RUNDC3A: variants seen among roughly 807,000 people sequenced by gnomAD.
RUNDC3A encodes RUN domain containing 3A.
Under a neutral mutation model 53.9 loss-of-function variants are expected in RUNDC3A, and 28 were observed. That is an observed-to-expected ratio of 0.52 (90% CI 0.38 to 0.71). RUNDC3A has a LOEUF of 0.71. RUNDC3A is among the 30% of genes least tolerant of loss of function. The probability of loss-of-function intolerance (pLI) is 0.00; values close to 1 mark genes in which losing one functional copy is unlikely to be tolerated. For missense variants in RUNDC3A, 491 were observed against 597.3 expected, an observed-to-expected ratio of 0.82 and a Z score of 1.85; for synonymous variants, 232 against 249.4, an observed-to-expected ratio of 0.93 and a Z score of 0.66.
Position 44,312,629 on chromosome 17 carries a change from G to T in RUNDC3A, c.157G>T (p.Asp53Tyr). 6.3e-7 allele frequency: 1 copy of T among 1,586,822 alleles called. No homozygotes were observed. The highest frequency in any genetic ancestry group is 8.6e-7 in the Non-Finnish European group (1 of 1,166,986). ...LEKYTAEPID[D>Y]SSEEFVNFAA... is the part of the protein sequence containing the mutation. The stretch of plus-strand genomic sequence containing the variant: ...GAAGTACACAGCGGAGCCCATCGAT[G>T]ACTCATCGGAGGAGTTTGTCAATTT... Residue 53 changes from aspartate to tyrosine, a missense_variant, in exon 2 of 11, where the codon GAC becomes TAC. By Grantham distance (160) the Asp-to-Tyr change is radical (BLOSUM62 -3). Around this residue, in one of 2 missense-constraint regions of RUNDC3A, gnomAD observed 273 missense variants for 389.0 expected, o/e 0.70. Coordinates refer to ENST00000426726, the MANE Select transcript of RUNDC3A (RefSeq NM_001144825.2).
In RUNDC3A at chr17:44,313,406, C is replaced by T; in HGVS notation, c.373-12C>T. ...CTCTGGGGCAGCAAGTAAAGGTGAA[C>T]ATGATTTCCAGGGCCGGGCATGGAT... On this transcript the variant is annotated splice_polypyrimidine_tract_variant and intron_variant, in intron 3 of 10. Coordinates refer to ENST00000426726, the MANE Select transcript of RUNDC3A (RefSeq NM_001144825.2). The T allele has an allele frequency of 6.2e-7, 1 of 1,613,908 alleles. No individual in the cohort carries two copies. The highest frequency in any genetic ancestry group is 8.5e-7 in the Non-Finnish European group (1 of 1,179,828).
At position 44,315,254 on chromosome 17, in the gene RUNDC3A, T is replaced by C. The variant is rs708386; in HGVS notation, c.729T>C (p.Asp243=). The change falls in exon 7 of 11, where the codon GAT becomes GAC. Residue 243 remains aspartate, a synonymous_variant. Coordinates refer to ENST00000426726, the MANE Select transcript of RUNDC3A (RefSeq NM_001144825.2). The surrounding 1 kb of genome is among the most constrained non-coding windows in gnomAD (Gnocchi z 6.1). The part of the protein sequence containing the change: ...PEHPYLPLVT[D]EDSWYSKWHK... ...ACCCGTACCTCCCGCTCGTCACCGATGAGGACAGCTGGTACAGCAAGTGGC... is the reference window on the plus strand; with the variant it reads ...ACCCGTACCTCCCGCTCGTCACCGACGAGGACAGCTGGTACAGCAAGTGGC... The C allele has an allele frequency of 0.41, 642,748 of 1,550,050 alleles. 144,365 individuals are homozygous for C. Among genetic ancestry groups the C allele is most frequent in the East Asian group, 0.88 (35,776 of 40,870 alleles).
In RUNDC3A at chr17:44,314,789, C is replaced by T; in HGVS notation, c.513C>T (p.Thr171=). 1.2e-6 allele frequency: 2 copies of T among 1,613,754 alleles called. No individual in the cohort carries two copies. The highest frequency in any genetic ancestry group is 2.2e-5 in the East Asian group (1 of 44,846). Reference sequence around the variant, plus strand: ...TGCGGGATGAAGCCACCATCCTCACCGGAATGCTGATCGGACTGAGCGCCA... The same window carrying T: ...TGCGGGATGAAGCCACCATCCTCACTGGAATGCTGATCGGACTGAGCGCCA... ...IMLRDEATIL[T]GMLIGLSAID... is the part of the protein sequence containing the mutation. Residue 171 remains threonine (T), a synonymous_variant, in exon 5 of 11, where the codon ACC becomes ACT. Coordinates refer to ENST00000426726, the MANE Select transcript of RUNDC3A (RefSeq NM_001144825.2).
Position 44,318,405 on chromosome 17 carries a change from GGCAGCA to G in RUNDC3A, c.*168_*173del. On this transcript the variant is annotated 3_prime_UTR_variant, in exon 11 of 11. Coordinates refer to ENST00000426726, the MANE Select transcript of RUNDC3A (RefSeq NM_001144825.2). Reference sequence around the variant, plus strand: ...TCTGCTCACCTTAGCTTTCTGCCTTGGCAGCACGGGCTGCGGAAGAAAGCACGCTGG... The same window carrying G: ...TCTGCTCACCTTAGCTTTCTGCCTTGCGGGCTGCGGAAGAAAGCACGCTGG... 1.2e-6 allele frequency: 1 copy of G among 814,416 alleles called. No homozygotes were observed. Among genetic ancestry groups the G allele is most frequent in the South Asian group, 1.9e-5 (1 of 52,908 alleles). The allele number at this position is 814,416 out of a possible 1,614,324, so 50.4% of individuals were successfully genotyped here. A position where few individuals can be genotyped will look rare whatever the true frequency, so the allele number is the denominator to read the frequency against.
At chr17:44,316,364 G>T in intron 8 of RUNDC3A, 21 bp from the exon 9 acceptor site, 1 of 1,599,586 alleles carries the variant, frequency 6.3e-7, no homozygotes. Context: ...AGCCAGGCCT[G>T]ACTCCTCCTC....
chr17:44,311,158 C>A (rs1332821406), intron 1 of RUNDC3A: 1 of 985,480 alleles, frequency 1.0e-6, no homozygotes, highest in African/African-American at 1.7e-5. Context: ...TGGCTCTGAT[C>A]TCAAGGCAGT....
At position 44,318,299 on chromosome 17, in the gene RUNDC3A, T is replaced by C; in HGVS notation, c.*61T>C. 4 of 1,504,708 alleles carry C rather than the reference T, an allele frequency of 2.7e-6. No homozygotes were observed. Among genetic ancestry groups the C allele is most frequent in the Non-Finnish European group, 3.6e-6 (4 of 1,111,046 alleles). 93.2% of individuals were successfully genotyped at this position (1,504,708 alleles called of 1,614,324 possible). ...GGGCCATGGACACCTGCCACCTTTC[T>C]TCAACAAGAGTCCCCCAATCCAGGC... On this transcript the variant is annotated 3_prime_UTR_variant, in exon 11 of 11. Transcript: ENST00000426726.
At chr17:44,314,433 C>T (rs1363539899) in intron 4 of RUNDC3A, 1 of 1,294,078 alleles carries the variant, frequency 7.7e-7, no homozygotes, top group Admixed American at 3.4e-5. Flanking sequence ...CTACTGTATA[C>T]CAAGCACTAA....
rs1472066408 is a variant in RUNDC3A, at chr17:44,316,694, C to G, written c.1167C>G (p.Gly389=). The stretch of plus-strand genomic sequence containing the variant: ...CGGACTCCCAGCGCCTGGGAGAGGG[C>G]ACGCGGGACGAGGAGCCCTGGGGTC... ...LSSDSQRLGE[G]TRDEEPWGPI... Residue 389 remains glycine (G), a synonymous_variant, in exon 10 of 11, where the codon GGC becomes GGG. Coordinates refer to ENST00000426726, the MANE Select transcript of RUNDC3A (RefSeq NM_001144825.2). 1 of 1,549,880 alleles carries G rather than the reference C, an allele frequency of 6.5e-7. No homozygotes were observed. Among genetic ancestry groups the G allele is most frequent in the South Asian group, 1.2e-5 (1 of 84,004 alleles).
In RUNDC3A at chr17:44,318,066, C is replaced by T. The variant is rs777738031; in HGVS notation, c.1199-30C>T. On this transcript the variant is annotated intron_variant, in intron 10 of 10. Transcript: ENST00000426726. The stretch of plus-strand genomic sequence containing the variant: ...CCAACTCCCACACATGTAGACTGGT[C>T]GCTTGGCCTCACCTGCCCTCTCTCC... 2.7e-5 allele frequency: 42 copies of T among 1,546,784 alleles called. 1 individual carries two copies. In the South Asian group the frequency reaches 4.4e-4, roughly 16 times the overall value.
chr17:44,315,745 C>T lies in RUNDC3A; in HGVS notation c.953+136C>T. 1.3e-6 allele frequency: 1 copy of T among 766,084 alleles called. No individual in the cohort carries two copies. The highest frequency in any genetic ancestry group is 3.4e-5 in the East Asian group (1 of 29,270). 47.5% of individuals were successfully genotyped at this position (766,084 alleles called of 1,614,324 possible). ...CCTCTCCAGCATCAACCCTCTGATC[C>T]AGCCAGCCCCACCCCGAGATGCCCA... is the stretch of plus-strand genomic sequence containing the variant. On this transcript the variant is annotated intron_variant, in intron 8 of 10. Coordinates refer to ENST00000426726, the MANE Select transcript of RUNDC3A (RefSeq NM_001144825.2). This position sits in a 1 kb window ranked among gnomAD's most constrained non-coding sequence, Gnocchi z 6.1.
At chr17:44,310,774 T>C (rs1344076772) in intron 1 of RUNDC3A, 1 of 985,272 alleles carries the variant, frequency 1.0e-6, no homozygotes, top group Admixed American at 6.2e-5. Flanking sequence ...ACAGATACCA[T>C]ATGGCTGCCA....
At position 44,315,216 on chromosome 17, in the gene RUNDC3A, A is replaced by C; in HGVS notation, c.691A>C (p.Asn231His). Residue 231 changes from asparagine to histidine, a missense_variant, in exon 7 of 11, where the codon AAC (asparagine) becomes CAC (histidine). This residue lies in a region of RUNDC3A where 273 missense variants were observed against 389.0 expected (regional missense o/e 0.70). Coordinates refer to ENST00000426726, the MANE Select transcript of RUNDC3A (RefSeq NM_001144825.2). This position sits in a 1 kb window ranked among gnomAD's most constrained non-coding sequence, Gnocchi z 6.1. ...CGCCGAGAGCAGCACGAGCGAGGACAACTCGCCCGAGCACCCGTACCTCCC... is the reference window on the plus strand; with the variant it reads ...CGCCGAGAGCAGCACGAGCGAGGACCACTCGCCCGAGCACCCGTACCTCCC... ...HSAESSTSEDNSPEHPYLPLV... is the reference protein window; with the variant it reads ...HSAESSTSEDHSPEHPYLPLV... 1 of 1,552,894 alleles carries C rather than the reference A, an allele frequency of 6.4e-7. No individual in the cohort carries two copies. Among genetic ancestry groups the C allele is most frequent in the Non-Finnish European group, 8.7e-7 (1 of 1,147,960 alleles).
chr17:44,313,532 A>G, intron 4 of RUNDC3A, 29 bp downstream of exon 4: 1 of 1,597,272 alleles, frequency 6.3e-7, no homozygotes, highest in South Asian at 1.1e-5. Flanking sequence ...CTCAGACCAC[A>G]GGTCTCAGAG....
chr17:44,316,456 A>G lies in RUNDC3A; in HGVS notation c.1025A>G (p.Asn342Ser). ...AAGGAGCTCACTACACCCCTGGTCA[A>G]TCAATGGCCCTCACTGGGAACGCTT... is the stretch of plus-strand genomic sequence containing the variant. Reference protein sequence around the residue: ...GSKELTTPLVNQWPSLGTLNG... With the variant: ...GSKELTTPLVSQWPSLGTLNG... The change falls in exon 9 of 11, where the codon AAT (asparagine) becomes AGT (serine). Residue 342 changes from asparagine to serine, a missense_variant. By Grantham distance (46) the Asn-to-Ser change is conservative. Around this residue, in one of 2 missense-constraint regions of RUNDC3A, gnomAD observed 218 missense variants for 208.2 expected, o/e 1.05. Transcript: ENST00000426726. The G allele has an allele frequency of 6.2e-7, 1 of 1,613,742 alleles. No homozygotes were observed. The highest frequency in any genetic ancestry group is 8.5e-7 in the Non-Finnish European group (1 of 1,179,862).
intron 10 of RUNDC3A, 94 bp downstream of exon 10, chr17:44,316,819 T>TC (rs2047874328): frequency 1.4e-5 from 8 of 581,104 alleles, no homozygotes; most frequent in Non-Finnish European, 2.2e-5. Flanking sequence ...ATTCTCTTAG[T>TC]CTTTTTTTTT....
chr17:44,314,387 G>C, intron 4 of RUNDC3A: 5 of 1,128,150 alleles, frequency 4.4e-6, no homozygotes, highest in Non-Finnish European at 5.5e-6. Flanking sequence ...CCATTCCTCA[G>C]TCTACACGTT....
At chr17:44,316,819 T>TA in intron 10 of RUNDC3A, 94 bp downstream of exon 10, 4 of 581,102 alleles carry the variant, frequency 6.9e-6, no homozygotes, top group Non-Finnish European at 1.1e-5. Flanking sequence ...ATTCTCTTAG[T>TA]CTTTTTTTTT....
Position 44,308,781 on chromosome 17 carries a change from C to T in RUNDC3A, c.-52C>T, listed in dbSNP as rs1308761785. ...GTGATCCAGCGACGGGTTTGGGGCTCCGGGAGGGGTGGGGGGGCAGCGGGC... is the reference window on the plus strand; with the variant it reads ...GTGATCCAGCGACGGGTTTGGGGCTTCGGGAGGGGTGGGGGGGCAGCGGGC... On this transcript the variant is annotated 5_prime_UTR_variant, in exon 1 of 11. Coordinates refer to ENST00000426726, the MANE Select transcript of RUNDC3A (RefSeq NM_001144825.2). 23 of 1,298,884 alleles carry T rather than the reference C, an allele frequency of 1.8e-5. No individual in the cohort carries two copies. Among genetic ancestry groups the T allele is most frequent in the Non-Finnish European group, 2.2e-5 (21 of 946,164 alleles). The allele number at this position is 1,298,884 out of a possible 1,614,324, so 80.5% of individuals were successfully genotyped here.
Sources: gnomAD v4.1 joint callset for allele counts on GRCh38, gnomAD v4.1.1 for gene constraint, gnomAD v4.1.1 regional missense constraint, Gnocchi (gnomAD v3.1) non-coding constraint, MANE v1.5 for transcripts, NCBI Gene and HGNC (gene_info 2026-07-23, HGNC 2026-07-21) for gene names.